The following JAK2 variants were observed in gnomAD, a reference collection of about 807,000 sequenced individuals.
JAK2 encodes Janus kinase 2, also known as tyrosine-protein kinase JAK2.
A neutral mutation model predicts 139.3 loss-of-function variants in JAK2; 86 were observed. That is an observed-to-expected ratio of 0.62 (90% CI 0.52 to 0.74). JAK2 has a LOEUF of 0.74. JAK2 is among the 30% of genes least tolerant of loss of function. JAK2 has a pLI of 0.00. For synonymous variants in JAK2, 490 were observed against 437.7 expected, an observed-to-expected ratio of 1.12 and a Z score of -1.49; for missense variants, 1,421 against 1,360.3, an observed-to-expected ratio of 1.04 and a Z score of -0.70.
chr9:5,043,214 G>A (rs1243642619), intron 4 of JAK2, among the ~76,000 whole-genome samples: 1 of 152,238 alleles, frequency 6.6e-6, no homozygotes, highest in Non-Finnish European at 1.5e-5. Flanking sequence ...CAGTGCCCAG[G>A]GCGGTGGCCG....
intron 22 of JAK2, among the ~76,000 whole-genome samples, chr9:5,102,362 G>T (rs1470684892): frequency 6.6e-6 from 1 of 152,088 alleles, no homozygotes; most frequent in African/African-American, 2.4e-5. Context: ...AAAGCAACAA[G>T]ATAAAGCCTA....
At chr9:5,122,506 T>A (rs1395121635) in intron 22 of JAK2, among the ~76,000 whole-genome samples, 1 of 152,136 alleles carries the variant, frequency 6.6e-6, no homozygotes, top group Admixed American at 6.6e-5. Flanking sequence ...ACTCTGCAGT[T>A]AACCTTGGTG....
intron 23 of JAK2, among the ~76,000 whole-genome samples, chr9:5,124,371 G>A (rs1029203960): frequency 3.3e-5 from 5 of 151,284 alleles, no homozygotes; most frequent in African/African-American, 4.8e-5. Context: ...GTAATCGATC[G>A]AGTTAATTTT....
Position 5,112,139 on chromosome 9 carries a change from C to T in JAK2, c.3060-10865C>T, listed in dbSNP as rs879835391. On this transcript the variant is annotated intron_variant, in intron 22 of 24. Transcript: ENST00000381652. ...GTGCTCTGCAGCCACGCCATGGGCA[C>T]GGCTAGCAACGTGCACACGCTGCTA... is the stretch of plus-strand genomic sequence containing the variant. 5.2e-5 allele frequency: 16 copies of T among 309,086 alleles called. No individual in the cohort carries two copies. The East Asian group carries it at 8.7e-4, about 17-fold the overall frequency. The allele number at this position is 309,086 out of a possible 1,614,324, so 19.1% of individuals were successfully genotyped here. A position where few individuals can be genotyped will look rare whatever the true frequency, so the allele number is the denominator to read the frequency against.
At chr9:5,096,385 C>T (rs1018467205) in intron 22 of JAK2, among the ~76,000 whole-genome samples, 2 of 152,156 alleles carry the variant, frequency 1.3e-5, no homozygotes, top group Non-Finnish European at 2.9e-5. Flanking sequence ...CGCAAATCAA[C>T]CACTTTAATT....
intron 4 of JAK2, among the ~76,000 whole-genome samples, chr9:5,031,333 A>T (rs1037204606): frequency 1.3e-5 from 2 of 152,232 alleles, no homozygotes; most frequent in African/African-American, 4.8e-5. Flanking sequence ...AATGGTATCT[A>T]TTATTAAAGC....
chr9:5,097,179 C>G (rs1057176890), intron 22 of JAK2: 16 of 152,112 alleles, frequency 1.1e-4, no homozygotes, highest in African/African-American at 3.9e-4. Flanking sequence ...CAAAAAGCCC[C>G]CAGCCATATC....
chr9:4,992,844 T>G (rs1472866731), intron 2 of JAK2, among the ~76,000 whole-genome samples: 1 of 152,224 alleles, frequency 6.6e-6, no homozygotes, highest in Non-Finnish European at 1.5e-5. Context: ...GCAACCTCAC[T>G]GGGCACATGT....
At chr9:5,008,733 T>C (rs1239718085) in intron 2 of JAK2, among the ~76,000 whole-genome samples, 5 of 152,184 alleles carry the variant, frequency 3.3e-5, no homozygotes, top group African/African-American at 1.2e-4. Context: ...TTAAATGTTA[T>C]CTCCTCTCAG....
chr9:5,097,058 T>C (rs899343189), intron 22 of JAK2: 1 of 152,162 alleles, frequency 6.6e-6, no homozygotes, highest in East Asian at 1.9e-4. Context: ...TATCCCCCTT[T>C]AGCTGAAAAC....
intron 18 of JAK2, 130 bp from the exon 19 acceptor site, chr9:5,081,595 C>G (rs1819704019): frequency 3.2e-6 from 2 of 624,296 alleles, no homozygotes; most frequent in South Asian, 2.2e-5. Flanking sequence ...ATAATTGAAA[C>G]TATTTGAGTT....
intron 22 of JAK2, among the ~76,000 whole-genome samples, chr9:5,092,632 C>G (rs1380524424): frequency 6.6e-6 from 1 of 152,116 alleles, no homozygotes; most frequent in Admixed American, 6.5e-5. Flanking sequence ...AAGACAAGCC[C>G]TTATACCTTC....
intron 4 of JAK2, among the ~76,000 whole-genome samples, chr9:5,034,235 A>T (rs944896800): frequency 1.3e-5 from 2 of 152,232 alleles, no homozygotes; most frequent in Admixed American, 1.3e-4. Flanking sequence ...ACCCAGATTC[A>T]TAAAGCAAGT....
At chr9:5,020,371 T>C (rs900737983) in intron 2 of JAK2, among the ~76,000 whole-genome samples, 3 of 151,944 alleles carry the variant, frequency 2.0e-5, no homozygotes, top group Admixed American at 1.3e-4. Flanking sequence ...GGGAGTGGGG[T>C]GCTGAGCTGG....
At chr9:5,024,815 G>A (rs1277011446) in intron 3 of JAK2, among the ~76,000 whole-genome samples, 1 of 152,148 alleles carries the variant, frequency 6.6e-6, no homozygotes, top group Non-Finnish European at 1.5e-5. Flanking sequence ...CATTTCTTCA[G>A]TCAGTCCCCA....
intron 8 of JAK2, among the ~76,000 whole-genome samples, chr9:5,060,171 A>C (rs1818064443): frequency 1.3e-5 from 2 of 152,212 alleles, no homozygotes; most frequent in African/African-American, 4.8e-5. Context: ...TCCTAATGAT[A>C]ATCTGAGCCT....
chr9:5,013,410 A>G lies in JAK2; in HGVS notation c.-25-8553A>G, dbSNP rs371958728. Among the ~76,000 whole-genome samples, 613 of 152,358 alleles carry G rather than the reference A, an allele frequency of 4.0e-3. 4 individuals are homozygous for G. The highest frequency in any genetic ancestry group is 0.014 in the African/African-American group (598 of 41,584). On this transcript the variant is annotated intron_variant, in intron 2 of 24. Transcript: ENST00000381652. ...TGGTTATATCTTGCAATAGAATGCA[A>G]AATCACATGGATATTAAAGGTAAAC...
At chr9:5,120,326 TAAC>T (rs1160865643) in intron 22 of JAK2, among the ~76,000 whole-genome samples, 1 of 152,210 alleles carries the variant, frequency 6.6e-6, no homozygotes, top group African/African-American at 2.4e-5. Flanking sequence ...ACCATCACAT[TAAC>T]AACACCTGAA....
chr9:5,055,977 C>T (rs1475149350), intron 8 of JAK2, among the ~76,000 whole-genome samples, 189 bp downstream of exon 8: 2 of 152,002 alleles, frequency 1.3e-5, no homozygotes, highest in African/African-American at 4.8e-5. Context: ...ACACCATCTT[C>T]CTACAGAGTT....
Sources: allele counts gnomAD v4.1 joint callset (sites outside exome capture counted in the v4.1 genomes callset), GRCh38; gene constraint gnomAD v4.1.1; transcripts MANE v1.5; gene names NCBI Gene and HGNC (gene_info 2026-07-23, HGNC 2026-07-21).